The following TYW1B variants were observed in gnomAD, a reference collection of about 807,000 sequenced individuals.
TYW1B encodes S-adenosyl-L-methionine-dependent tRNA 4-demethylwyosine synthase TYW1B.
In TYW1B, 73 loss-of-function variants were observed where a neutral mutation model predicts 86.9. That is an observed-to-expected ratio of 0.84 (90% CI 0.70 to 1.02). TYW1B has a LOEUF of 1.02. Ranked by LOEUF, TYW1B falls within the 50% of genes least tolerant of loss-of-function variation. The pLI is 0.00. For synonymous variants in TYW1B, 248 were observed against 292.8 expected (o/e 0.85, Z 1.56); for missense variants, 637 against 827.4 (o/e 0.77, Z 2.82).
rs559467740 is a variant in TYW1B, at chr7:72,656,825, G to A, written c.1507-27828C>T. 7.8e-4 allele frequency among the ~76,000 whole-genome samples: 119 copies of A among 152,134 alleles called. 4 individuals are homozygous for A. In the South Asian group the frequency reaches 0.017, roughly 22 times the overall value. On this transcript the variant is annotated intron_variant, in intron 11 of 13. Transcript: ENST00000620995. ...GGAGCAAGAGCAAAGGAGGAGAAAGGTGCCACACACTTTTACACAACCAGG... is the reference window on the plus strand; with the variant it reads ...GGAGCAAGAGCAAAGGAGGAGAAAGATGCCACACACTTTTACACAACCAGG...
chr7:72,628,759 G>A (rs1256725872), intron 12 of TYW1B, 128 bp downstream of exon 12: 3 of 683,506 alleles, frequency 4.4e-6, no homozygotes, highest in Non-Finnish European at 7.4e-6. Context: ...TATCGATCAC[G>A]AAATGAATAC....
At chr7:72,630,751 GAC>G (rs1812465079) in intron 11 of TYW1B, among the ~76,000 whole-genome samples, 1 of 152,130 alleles carries the variant, frequency 6.6e-6, no homozygotes, top group East Asian at 1.9e-4. Flanking sequence ...TGCAAGGAAA[GAC>G]AGAAATCTTC....
intron 5 of TYW1B, 104 bp from the exon 6 acceptor site, chr7:72,802,626 T>A: frequency 1.3e-6 from 2 of 1,504,186 alleles, no homozygotes; most frequent in Non-Finnish European, 1.8e-6. Context: ...TAAATTCTTT[T>A]TTTTTTTTCT....
At chr7:72,604,465 A>C (rs1249949647) in intron 13 of TYW1B, among the ~76,000 whole-genome samples, 3 of 152,084 alleles carry the variant, frequency 2.0e-5, no homozygotes, top group African/African-American at 7.2e-5. Flanking sequence ...CTGTCTCAAA[A>C]AATAAAAAAA....
At chr7:72,614,430 C>T (rs1299693065) in intron 13 of TYW1B, among the ~76,000 whole-genome samples, 2 of 152,084 alleles carry the variant, frequency 1.3e-5, no homozygotes, top group African/African-American at 4.8e-5. Context: ...GTCAGGAGGT[C>T]GAAACCAGCC....
Position 72,814,380 on chromosome 7 carries a change from C to T in TYW1B, c.237+1000G>A, listed in dbSNP as rs879997402. On this transcript the variant is annotated intron_variant, in intron 3 of 13. Transcript: ENST00000620995. ...CGGGCGGATCACGAGGTCAGGAGAT[C>T]GAGACCATCCTGGCTAACACGGTGA... Among the ~76,000 whole-genome samples the T allele has an allele frequency of 3.3e-5, 5 of 151,518 alleles. No individual in the cohort carries two copies. The East Asian group carries it at 5.9e-4, about 18-fold the overall frequency.
At chr7:72,731,193 C>A (rs1554459861) in intron 8 of TYW1B, among the ~76,000 whole-genome samples, 1 of 149,102 alleles carries the variant, frequency 6.7e-6, no homozygotes, top group Non-Finnish European at 1.5e-5. Flanking sequence ...AGAAATAAAG[C>A]CTGTCGCAGA....
intron 12 of TYW1B, among the ~76,000 whole-genome samples, chr7:72,628,135 T>C (rs1485964136): frequency 6.6e-6 from 1 of 151,934 alleles, no homozygotes; most frequent in Non-Finnish European, 1.5e-5. Flanking sequence ...CTACAAAAAA[T>C]AGCCAGGCAT....
At chr7:72,792,045 T>C (rs1788228018) in intron 6 of TYW1B, among the ~76,000 whole-genome samples, 1 of 151,748 alleles carries the variant, frequency 6.6e-6, no homozygotes, top group Non-Finnish European at 1.5e-5. Context: ...AAGAAATGAT[T>C]CAGGCCAGGC....
At chr7:72,820,075 G>A (rs1372946533) in intron 2 of TYW1B, among the ~76,000 whole-genome samples, 5 of 152,188 alleles carry the variant, frequency 3.3e-5, no homozygotes, top group Middle Eastern at 6.8e-3. Context: ...AGGAGTTTGC[G>A]ACCAGCCTGA....
intron 13 of TYW1B, among the ~76,000 whole-genome samples, chr7:72,600,698 T>C (rs1217844949): frequency 1.3e-5 from 2 of 152,116 alleles, no homozygotes; most frequent in Admixed American, 6.6e-5. Flanking sequence ...AATGAAACCC[T>C]GTCTCAACTA....
chr7:72,605,972 G>A (rs1313974174), intron 13 of TYW1B, among the ~76,000 whole-genome samples: 2 of 152,098 alleles, frequency 1.3e-5, no homozygotes, highest in African/African-American at 4.8e-5. Context: ...TGGAGTAGAC[G>A]TGCCTCTCCC....
rs563063300 is a variant in TYW1B at position 72,709,396 on chromosome 7, T to C, written c.1370+4225A>G. On this transcript the variant is annotated intron_variant, in intron 10 of 13. Transcript: ENST00000620995. The stretch of plus-strand genomic sequence containing the variant: ...AAAAATCCAAAAGCGTGGCCGAGCG[T>C]GGTGGCTCACGCCTGTAATCCCAGC... 3.9e-4 allele frequency among the ~76,000 whole-genome samples: 60 copies of C among 152,256 alleles called. No homozygotes were observed. In the South Asian group the frequency reaches 5.0e-3, roughly 13 times the overall value.
At chr7:72,797,462 T>C (rs557241366) in intron 6 of TYW1B, among the ~76,000 whole-genome samples, 1 of 152,260 alleles carries the variant, frequency 6.6e-6, no homozygotes, top group Admixed American at 6.5e-5. Context: ...CCCCAGAGTA[T>C]CTCTTCCATT....
chr7:72,635,407 T>G (rs1812642713), intron 11 of TYW1B, among the ~76,000 whole-genome samples: 1 of 152,168 alleles, frequency 6.6e-6, no homozygotes, highest in Non-Finnish European at 1.5e-5. Context: ...ATTAGCAACA[T>G]CTTGAGAAAA....
chr7:72,786,055 G>A (rs1322597724), intron 6 of TYW1B, among the ~76,000 whole-genome samples: 2 of 151,648 alleles, frequency 1.3e-5, no homozygotes, highest in Non-Finnish European at 2.9e-5. Flanking sequence ...GCTGCCATGA[G>A]ATGATATTGT....
rs566957083 is a variant in TYW1B, at chr7:72,710,514, C to T, written c.1370+3107G>A. Among the ~76,000 whole-genome samples the T allele has an allele frequency of 2.6e-5, 4 of 152,284 alleles. No individual in the cohort carries two copies. In the East Asian group the frequency reaches 7.7e-4, roughly 29 times the overall value. ...CCTGGTAGCTAATAATTTTAATCAA[C>T]TCTTCGATTTCCTATGACATTAAAT... On this transcript the variant is annotated intron_variant, in intron 10 of 13. Coordinates refer to ENST00000620995, the MANE Select transcript of TYW1B (RefSeq NM_001145440.3).
At chr7:72,754,749 G>C (rs1787558908) in intron 7 of TYW1B, among the ~76,000 whole-genome samples, 1 of 152,014 alleles carries the variant, frequency 6.6e-6, no homozygotes, top group African/African-American at 2.4e-5. Context: ...CTTTACCTCT[G>C]TTAAAGCTAA....
chr7:72,738,126 C>A (rs35059035), intron 8 of TYW1B, among the ~76,000 whole-genome samples: 1 of 122,024 alleles, frequency 8.2e-6, no homozygotes, highest in Admixed American at 9.1e-5. Flanking sequence ...AGTCACCCAG[C>A]CTGGAGTGCA....
Sources: gnomAD v4.1 joint callset for allele counts (sites outside exome capture counted in the v4.1 genomes callset) on GRCh38, gnomAD v4.1.1 for gene constraint, MANE v1.5 for transcripts, NCBI Gene and HGNC (gene_info 2026-07-23, HGNC 2026-07-21) for gene names.